PPP5C: variants seen among roughly 807,000 people sequenced by gnomAD.
The protein encoded by PPP5C is serine/threonine-protein phosphatase 5.
PPP5C carries 21 observed loss-of-function variants against 66.7 expected under a neutral mutation model. The observed-to-expected ratio is 0.31, with a 90% CI of 0.22 to 0.45. The LOEUF is 0.45. Ranked by LOEUF, PPP5C falls within the 20% of genes least tolerant of loss-of-function variation. The pLI, the probability that PPP5C is intolerant of heterozygous loss-of-function variation, is 1.00. For synonymous variants in PPP5C, 246 were observed against 257.4 expected (o/e 0.96, Z 0.43); for missense variants, 464 against 675.9 (o/e 0.69, Z 3.48).
At chr19:46,364,917 G>A (rs527823326) in intron 2 of PPP5C, among the ~76,000 whole-genome samples, 31 of 152,054 alleles carry the variant, frequency 2.0e-4, no homozygotes, top group Non-Finnish European at 4.3e-4. Flanking sequence ...CTGGTGTTTC[G>A]GGGCCGGGGC....
At chr19:46,385,652 C>T (rs1157909600) in intron 7 of PPP5C, among the ~76,000 whole-genome samples, 1 of 151,952 alleles carries the variant, frequency 6.6e-6, no homozygotes, top group South Asian at 2.1e-4. Context: ...TGGTGGTACA[C>T]GCCTGTAATC....
intron 2 of PPP5C, among the ~76,000 whole-genome samples, chr19:46,356,599 C>T (rs574465185): frequency 1.3e-5 from 2 of 152,306 alleles, no homozygotes; most frequent in African/African-American, 4.8e-5. Context: ...TGTCCCTCCT[C>T]CAAGGTCACC....
chr19:46,379,287 C>T (rs2147393678), intron 4 of PPP5C, among the ~76,000 whole-genome samples: 1 of 152,094 alleles, frequency 6.6e-6, no homozygotes, highest in South Asian at 2.1e-4. Context: ...CTCTTGACCT[C>T]GTGATCCACC....
At chr19:46,367,300 G>A (rs1412349514) in intron 2 of PPP5C, among the ~76,000 whole-genome samples, 4 of 152,192 alleles carry the variant, frequency 2.6e-5, no homozygotes, top group Non-Finnish European at 5.9e-5. Flanking sequence ...GAAAGAAAGA[G>A]AGAAATAAAA....
At chr19:46,378,337 G>A (rs990616344) in intron 4 of PPP5C, among the ~76,000 whole-genome samples, 1 of 152,122 alleles carries the variant, frequency 6.6e-6, no homozygotes, top group African/African-American at 2.4e-5. Flanking sequence ...TTTCTAATTT[G>A]GTCAGACAAC....
At chr19:46,360,241 T>C (rs2038800374) in intron 2 of PPP5C, among the ~76,000 whole-genome samples, 1 of 152,152 alleles carries the variant, frequency 6.6e-6, no homozygotes, top group South Asian at 2.1e-4. Context: ...TGATAACATA[T>C]ACGAGGACAT....
rs554333993 is a variant in PPP5C at position 46,380,771 on chromosome 19, C to T, written c.634-2640C>T. On this transcript the variant is annotated intron_variant, in intron 4 of 12. Coordinates refer to ENST00000012443, the MANE Select transcript of PPP5C (RefSeq NM_006247.4). ...TTGACCTCCATTGTTTCTGTGAGAA[C>T]TCAGCAATCATTCATATCTTTGTTC... Among the ~76,000 whole-genome samples, 42 of 152,262 alleles carry T rather than the reference C, an allele frequency of 2.8e-4. No homozygotes were observed. The South Asian group carries it at 8.7e-3, about 32-fold the overall frequency.
intron 2 of PPP5C, among the ~76,000 whole-genome samples, chr19:46,359,747 T>C (rs1037139387): frequency 2.0e-4 from 30 of 151,536 alleles, no homozygotes; most frequent in African/African-American, 7.3e-4. Context: ...TAAGTTGGCT[T>C]TCCCGGAAAA....
Position 46,347,183 on chromosome 19 carries a change from G to A in PPP5C, c.87G>A (p.Glu29=). ...CTGATGGAGCTCTGAAGCGGGCAGA[G>A]GAGCTCAAGACTCAGGCCAATGACT... The part of the protein sequence containing the change: ...PPADGALKRA[E]ELKTQANDYF... Residue 29 remains glutamate (E), a synonymous_variant, in exon 1 of 13, where the codon GAG becomes GAA. Transcript: ENST00000012443. The A allele has an allele frequency of 6.2e-7, 1 of 1,606,746 alleles. No individual in the cohort carries two copies. The highest frequency in any genetic ancestry group is 1.1e-5 in the South Asian group (1 of 89,796).
At chr19:46,384,764 C>CTGGG in intron 6 of PPP5C, 40 bp from the exon 7 acceptor site, 2 of 1,192,324 alleles carry the variant, frequency 1.7e-6, no homozygotes, top group Non-Finnish European at 2.5e-6. Context: ...GCACCGCACC[C>CTGGG]TTCCCCTCCA....
chr19:46,360,620 C>T (rs760768472), intron 2 of PPP5C, among the ~76,000 whole-genome samples: 3 of 152,104 alleles, frequency 2.0e-5, no homozygotes, highest in Non-Finnish European at 4.4e-5. Flanking sequence ...TGTGCCTCAG[C>T]CTCCCAAGTA....
intron 4 of PPP5C, among the ~76,000 whole-genome samples, chr19:46,380,868 G>A (rs562838447): frequency 1.2e-4 from 19 of 152,156 alleles, no homozygotes; most frequent in African/African-American, 4.1e-4. Context: ...ACTATGATGG[G>A]CTTTGATGTG....
chr19:46,347,246 A>G (rs1426432895), intron 1 of PPP5C, 29 bp downstream of exon 1: 28 of 1,588,838 alleles, frequency 1.8e-5, no homozygotes, highest in Non-Finnish European at 2.3e-5. Flanking sequence ...GAGGGTGGAC[A>G]GTGGCCCAGG....
chr19:46,377,815 T>C (rs898687224), intron 4 of PPP5C, among the ~76,000 whole-genome samples: 1 of 152,246 alleles, frequency 6.6e-6, no homozygotes, highest in African/African-American at 2.4e-5. Flanking sequence ...TACATGGATG[T>C]TGTGTATATC....
At chr19:46,364,734 C>T (rs935163152) in intron 2 of PPP5C, among the ~76,000 whole-genome samples, 1 of 152,066 alleles carries the variant, frequency 6.6e-6, no homozygotes, top group Admixed American at 6.6e-5. Context: ...GGTCTCCATT[C>T]GATTTGTCTG....
chr19:46,386,840 G>A, intron 7 of PPP5C: 1 of 562,586 alleles, frequency 1.8e-6, no homozygotes, highest in Non-Finnish European at 3.2e-6. Flanking sequence ...TCAAATTGCT[G>A]GGCTCAAGCA....
intron 11 of PPP5C, among the ~76,000 whole-genome samples, chr19:46,389,278 T>A (rs931964702): frequency 2.0e-5 from 3 of 151,274 alleles, no homozygotes; most frequent in African/African-American, 7.3e-5. Flanking sequence ...GAGCTGAGAT[T>A]GCACCACTGC....
intron 2 of PPP5C, among the ~76,000 whole-genome samples, 153 bp from the exon 3 acceptor site, chr19:46,375,451 C>A (rs943432878): frequency 1.3e-5 from 2 of 152,192 alleles, no homozygotes; most frequent in Admixed American, 6.5e-5. Context: ...AACCAAGGCT[C>A]GGCAGTTAAA....
chr19:46,369,327 T>G (rs897055932), intron 2 of PPP5C, among the ~76,000 whole-genome samples: 2 of 152,184 alleles, frequency 1.3e-5, no homozygotes, highest in Non-Finnish European at 2.9e-5. Context: ...AGTAAGTATT[T>G]ATGCATCTGA....
Sources: allele counts gnomAD v4.1 joint callset (sites outside exome capture counted in the v4.1 genomes callset), GRCh38; gene constraint gnomAD v4.1.1; transcripts MANE v1.5; gene names NCBI Gene and HGNC (gene_info 2026-07-23, HGNC 2026-07-21).